SLC35F2: variants seen among roughly 807,000 people sequenced by gnomAD.
SLC35F2 encodes queuine/queuosine transporter SLC35F2.
A neutral mutation model predicts 38.1 loss-of-function variants in SLC35F2; 25 were observed. The ratio of observed to expected loss-of-function variants is 0.66; its 90% confidence interval spans 0.48 to 0.92. The LOEUF (loss-of-function observed/expected upper bound fraction) is 0.92, where lower values mean the gene tolerates loss of function less well. SLC35F2 is among the 40% of genes least tolerant of loss of function. SLC35F2 has a pLI of 0.00. For synonymous variants in SLC35F2, 173 were observed against 181.7 expected (o/e 0.95, Z 0.38); for missense variants, 409 against 452.9 (o/e 0.90, Z 0.88).
At chr11:107,851,275 AG>A (rs910185261) in intron 1 of SLC35F2, among the ~76,000 whole-genome samples, 1 of 150,088 alleles carries the variant, frequency 6.7e-6, no homozygotes, top group African/African-American at 2.5e-5. Flanking sequence ...AAAAAAAAAA[AG>A]AAAGAAAGAA....
At chr11:107,825,361 CTT>C (rs112751391) in intron 1 of SLC35F2, among the ~76,000 whole-genome samples, 132 of 123,616 alleles carry the variant, frequency 1.1e-3, no homozygotes, top group Non-Finnish European at 1.8e-3. Flanking sequence ...GCATTTCTTT[CTT>C]TTTTTTTTTT....
At chr11:107,811,838 A>G (rs1379855090) in intron 2 of SLC35F2, 44 bp from the exon 3 acceptor site, 1 of 1,548,036 alleles carries the variant, frequency 6.5e-7, no homozygotes, top group Admixed American at 1.8e-5. Context: ...CTTGCAAATG[A>G]TACCATACAT....
chr11:107,820,506 C>G (rs971849201), intron 1 of SLC35F2, among the ~76,000 whole-genome samples: 4 of 152,124 alleles, frequency 2.6e-5, no homozygotes, highest in African/African-American at 9.7e-5. Flanking sequence ...TGCTATCCCT[C>G]CTACAGCACA....
At chr11:107,858,126 C>A (rs1018706320) in intron 1 of SLC35F2, among the ~76,000 whole-genome samples, 1 of 152,226 alleles carries the variant, frequency 6.6e-6, no homozygotes, top group East Asian at 1.9e-4. Flanking sequence ...TATATCACCT[C>A]GCTCAGGCCC....
intron 4 of SLC35F2, chr11:107,805,771 G>A (rs1859381628): frequency 1.8e-6 from 1 of 543,490 alleles, no homozygotes; most frequent in Admixed American, 6.4e-5. Flanking sequence ...TACACCTCCG[G>A]GTTCAAGTGA....
chr11:107,837,018 C>T (rs1004914160), intron 1 of SLC35F2, among the ~76,000 whole-genome samples: 1 of 152,120 alleles, frequency 6.6e-6, no homozygotes, highest in African/African-American at 2.4e-5. Context: ...ACACTTTCAT[C>T]GTTTGCCAGG....
intron 7 of SLC35F2, among the ~76,000 whole-genome samples, chr11:107,796,861 C>G (rs7935788): frequency 0.093 from 14,174 of 151,914 alleles, 1,636 homozygotes; most frequent in East Asian, 0.28. Context: ...TTTGTAGAGA[C>G]AGGGTTGTGC....
At chr11:107,837,044 G>T (rs557782340) in intron 1 of SLC35F2, among the ~76,000 whole-genome samples, 6 of 152,226 alleles carry the variant, frequency 3.9e-5, no homozygotes, top group African/African-American at 1.4e-4. Context: ...AATAAAACCA[G>T]GCCATCAAGC....
intron 1 of SLC35F2, among the ~76,000 whole-genome samples, chr11:107,844,947 G>C (rs556102504): frequency 1.4e-5 from 2 of 146,240 alleles, no homozygotes; most frequent in African/African-American, 5.1e-5. Context: ...CGGCACTCCA[G>C]CCTGGGCAAC....
intron 1 of SLC35F2, among the ~76,000 whole-genome samples, chr11:107,827,973 C>A (rs75052931): frequency 6.6e-6 from 1 of 152,092 alleles, no homozygotes; most frequent in African/African-American, 2.4e-5. Flanking sequence ...TTTTGGAGAA[C>A]GGCTGATTTC....
At chr11:107,793,804 A>C (rs557650349) in intron 7 of SLC35F2, among the ~76,000 whole-genome samples, 19 of 152,306 alleles carry the variant, frequency 1.2e-4, no homozygotes, top group Non-Finnish European at 2.8e-4. Flanking sequence ...CTCTGTTCCC[A>C]GAAGGACCAA....
intron 1 of SLC35F2, among the ~76,000 whole-genome samples, chr11:107,854,842 G>T (rs1252069458): frequency 6.6e-6 from 1 of 152,112 alleles, no homozygotes; most frequent in Non-Finnish European, 1.5e-5. Flanking sequence ...AAAAGGAATA[G>T]AAATGAGCTA....
intron 1 of SLC35F2, among the ~76,000 whole-genome samples, chr11:107,822,741 C>T (rs984959766): frequency 1.3e-5 from 2 of 152,018 alleles, no homozygotes; most frequent in African/African-American, 4.8e-5. Flanking sequence ...CCTCACAACA[C>T]AAAACCACAA....
intron 1 of SLC35F2, chr11:107,823,197 A>C: frequency 1.0e-6 from 1 of 985,402 alleles, no homozygotes; most frequent in Non-Finnish European, 1.2e-6. Flanking sequence ...GCCTATTTTA[A>C]GTCTCCCAGA....
chr11:107,851,350 C>G (rs1431722571), intron 1 of SLC35F2, among the ~76,000 whole-genome samples: 1 of 150,844 alleles, frequency 6.6e-6, no homozygotes, highest in Non-Finnish European at 1.5e-5. Context: ...ATAATCCCAG[C>G]TACTTGGGAG....
At chr11:107,844,809 C>T (rs1392208237) in intron 1 of SLC35F2, among the ~76,000 whole-genome samples, 1 of 151,386 alleles carries the variant, frequency 6.6e-6, no homozygotes, top group Non-Finnish European at 1.5e-5. Context: ...CCCATCTCTA[C>T]TAAAAATACA....
intron 1 of SLC35F2, among the ~76,000 whole-genome samples, chr11:107,845,265 G>GT (rs956317495): frequency 6.6e-6 from 1 of 152,052 alleles, no homozygotes; most frequent in African/African-American, 2.4e-5. Flanking sequence ...AACAGAATCT[G>GT]TTTTTTCCTT....
chr11:107,805,257 T>C (rs192447641), intron 5 of SLC35F2, 102 bp downstream of exon 5: 1 of 1,417,636 alleles, frequency 7.1e-7, no homozygotes, highest in African/African-American at 1.4e-5. Context: ...CTAATACTAA[T>C]TCCAAATGTG....
In SLC35F2 at chr11:107,809,753, G is replaced by A. The variant is rs916548962; in HGVS notation, c.414+1914C>T. 7.2e-5 allele frequency: 71 copies of A among 981,544 alleles called. No individual in the cohort carries two copies. The African/African-American group carries it at 9.8e-4, about 14-fold the overall frequency. The allele number at this position is 981,544 out of a possible 1,614,324, so 60.8% of individuals were successfully genotyped here. On this transcript the variant is annotated intron_variant, in intron 3 of 7. Transcript: ENST00000525815. ...AGCAGAGTACTAAGACAGACCCTGC[G>A]ACATGGGTATAAAAACAAGTTAGAT...
Sources: gnomAD v4.1 joint callset for allele counts (sites outside exome capture counted in the v4.1 genomes callset) on GRCh38, gnomAD v4.1.1 for gene constraint, MANE v1.5 for transcripts, NCBI Gene and HGNC (gene_info 2026-07-23, HGNC 2026-07-21) for gene names.